The following SLC5A11 variants were observed in gnomAD, a reference collection of about 807,000 sequenced individuals.
SLC5A11 encodes the protein sodium/myo-inositol cotransporter 2.
In SLC5A11, 48 loss-of-function variants were observed where a neutral mutation model predicts 69.8. The ratio of observed to expected loss-of-function variants is 0.69; its 90% confidence interval spans 0.55 to 0.87. The LOEUF (loss-of-function observed/expected upper bound fraction) is 0.87, where lower values mean the gene tolerates loss of function less well. Among genes scored for constraint, SLC5A11 ranks in the 40% least tolerant of loss-of-function variants. The probability of loss-of-function intolerance (pLI) is 0.00; values close to 1 mark genes in which losing one functional copy is unlikely to be tolerated. For synonymous variants in SLC5A11, 319 were observed against 342.4 expected, an observed-to-expected ratio of 0.93 and a Z score of 0.75; for missense variants, 784 against 866.1, an observed-to-expected ratio of 0.91 and a Z score of 1.19.
At chr16:24,862,493 C>A in intron 2 of SLC5A11, 108 bp from the exon 4 acceptor site, 1 of 678,060 alleles carries the variant, frequency 1.5e-6, no homozygotes, top group Non-Finnish European at 2.6e-6. Flanking sequence ...ATATCCGAAT[C>A]TGGCCCTCAG....
At chr16:24,892,578 ATGAGAGCCGATTTACTGCATGTTATATT>A (rs1445481258) in intron 9 of SLC5A11, among the ~76,000 whole-genome samples, 1 of 152,102 alleles carries the variant, frequency 6.6e-6, no homozygotes, top group East Asian at 1.9e-4. Flanking sequence ...GGAAGGATGA[ATGAGAGCCGATTTACTGCATGTTATATT>A]TTCTCGGGTT....
intron 1 of SLC5A11, among the ~76,000 whole-genome samples, chr16:24,858,351 T>A (rs961976210): frequency 6.6e-6 from 1 of 152,202 alleles, no homozygotes; most frequent in Non-Finnish European, 1.5e-5. Context: ...ATTGCAATTG[T>A]TTATGCTTCT....
At chr16:24,899,710 T>A (rs936492278) in intron 10 of SLC5A11, among the ~76,000 whole-genome samples, 4 of 150,724 alleles carry the variant, frequency 2.7e-5, no homozygotes, top group African/African-American at 9.8e-5. Context: ...CCTGCGGTAC[T>A]TTTTCTTTTT....
intron 8 of SLC5A11, among the ~76,000 whole-genome samples, chr16:24,889,280 C>A (rs111550933): frequency 6.6e-6 from 1 of 152,000 alleles, no homozygotes; most frequent in Admixed American, 6.6e-5. Flanking sequence ...CCTAGGAGTT[C>A]GAGACCAGCC....
chr16:24,885,660 A>AAC (rs1239508937), intron 8 of SLC5A11, among the ~76,000 whole-genome samples: 14 of 58,564 alleles, frequency 2.4e-4, no homozygotes, highest in African/African-American at 4.7e-4. Flanking sequence ...CTGTCTCAAA[A>AAC]AAAAAAAAAA....
At chr16:24,874,770 C>T (rs905030561) in intron 5 of SLC5A11, among the ~76,000 whole-genome samples, 1 of 151,974 alleles carries the variant, frequency 6.6e-6, no homozygotes, top group Non-Finnish European at 1.5e-5. Context: ...TTAGTAGAGA[C>T]GGGGTTTCGC....
chr16:24,891,960 T>A (rs905318448), intron 9 of SLC5A11, among the ~76,000 whole-genome samples: 2 of 146,324 alleles, frequency 1.4e-5, no homozygotes. Flanking sequence ...GGGTGACAGG[T>A]GGCTCACACA....
chr16:24,895,148 A>C (rs190661375), intron 9 of SLC5A11, among the ~76,000 whole-genome samples: 1 of 151,606 alleles, frequency 6.6e-6, no homozygotes, highest in Non-Finnish European at 1.5e-5. Flanking sequence ...GAAAGAAAAA[A>C]AAAAGAACCA....
In SLC5A11 at chr16:24,894,249, C is replaced by A. The variant is rs1257260672; in HGVS notation, c.870+3175C>A. Among the ~76,000 whole-genome samples the A allele has an allele frequency of 2.6e-5, 4 of 152,194 alleles. No homozygotes were observed. In the East Asian group the frequency reaches 7.7e-4, roughly 29 times the overall value. On this transcript the variant is annotated intron_variant, in intron 9 of 15. Transcript: ENST00000347898. Reference sequence around the variant, plus strand: ...CTCAATTCTGGGAACCCACCCCCAGCTGCATTTCTGTGCAGATGCCTGCTC... The same window carrying A: ...CTCAATTCTGGGAACCCACCCCCAGATGCATTTCTGTGCAGATGCCTGCTC...
At chr16:24,859,631 CTCTT>C (rs1263603600) in intron 2 of SLC5A11, among the ~76,000 whole-genome samples, 1 of 152,144 alleles carries the variant, frequency 6.6e-6, no homozygotes. Context: ...GCATATTTCC[CTCTT>C]TCTTAAACAG....
At chr16:24,898,430 G>C (rs1391542913) in intron 10 of SLC5A11, among the ~76,000 whole-genome samples, 4 of 151,764 alleles carry the variant, frequency 2.6e-5, no homozygotes, top group African/African-American at 9.7e-5. Flanking sequence ...GGCTGGTCTT[G>C]AACTCCTGGC....
chr16:24,888,781 TCC>T (rs2048569823), intron 8 of SLC5A11, among the ~76,000 whole-genome samples: 3 of 114,698 alleles, frequency 2.6e-5, no homozygotes, highest in Non-Finnish European at 3.6e-5. Flanking sequence ...ACCGTGCCTG[TCC>T]TTTTTTTTTT....
At chr16:24,902,955 T>C (rs1033152560) in intron 10 of SLC5A11, among the ~76,000 whole-genome samples, 1 of 152,218 alleles carries the variant, frequency 6.6e-6, no homozygotes, top group African/African-American at 2.4e-5. Flanking sequence ...TGAAATACTC[T>C]ATCATATGAT....
chr16:24,908,587 G>A (rs917417151), intron 13 of SLC5A11, among the ~76,000 whole-genome samples: 4 of 100,148 alleles, frequency 4.0e-5, no homozygotes, highest in African/African-American at 1.8e-4. Flanking sequence ...GACAGAGTGA[G>A]ACTGTCTCAA....
At chr16:24,846,079 A>G (rs973637275) in exon 1 of SLC5A11, 8 of 152,616 alleles carry the variant, frequency 5.2e-5, no homozygotes, top group Admixed American at 2.0e-4. Context: ...ATGGGTCCCC[A>G]CGCAGGTGAG....
intron 3 of SLC5A11, among the ~76,000 whole-genome samples, chr16:24,864,804 A>C (rs1479407071): frequency 6.8e-6 from 1 of 147,600 alleles, no homozygotes; most frequent in East Asian, 2.1e-4. Flanking sequence ...ATCATTAAAG[A>C]GATAGATTTT....
chr16:24,888,331 A>G (rs2048522492), intron 8 of SLC5A11, among the ~76,000 whole-genome samples: 2 of 152,132 alleles, frequency 1.3e-5, no homozygotes, highest in Non-Finnish European at 2.9e-5. Context: ...TGCAGAGAAA[A>G]ATGAGAACAT....
chr16:24,880,316 G>T (rs1192574608), intron 7 of SLC5A11, among the ~76,000 whole-genome samples: 1 of 152,136 alleles, frequency 6.6e-6, no homozygotes, highest in Non-Finnish European at 1.5e-5. Flanking sequence ...AAAGAGTGAA[G>T]CGGGAGGTGC....
chr16:24,857,413 A>C (rs1049132589), intron 1 of SLC5A11, among the ~76,000 whole-genome samples: 2 of 152,244 alleles, frequency 1.3e-5, no homozygotes, highest in Non-Finnish European at 2.9e-5. Context: ...CCATGAACTT[A>C]GTGGCTAAAA....
Sources: allele counts gnomAD v4.1 joint callset (sites outside exome capture counted in the v4.1 genomes callset), GRCh38; gene constraint gnomAD v4.1.1; transcripts MANE v1.5; gene names NCBI Gene and HGNC (gene_info 2026-07-23, HGNC 2026-07-21).